PCDH7: variants seen among roughly 807,000 people sequenced by gnomAD.
PCDH7 encodes protocadherin 7.
A neutral mutation model predicts 58.9 loss-of-function variants in PCDH7; 17 were observed. The observed-to-expected ratio is 0.29, with a 90% CI of 0.20 to 0.43. The LOEUF is 0.43. Among genes scored for constraint, PCDH7 ranks in the 20% least tolerant of loss-of-function variants. PCDH7 has a pLI of 1.00. For missense variants in PCDH7, 1,274 were observed against 1,441.0 expected, an observed-to-expected ratio of 0.88 and a Z score of 1.88; for synonymous variants, 664 against 616.4, an observed-to-expected ratio of 1.08 and a Z score of -1.14.
At chr4:30,842,487 T>A (rs1188452715) in intron 1 of PCDH7, among the ~76,000 whole-genome samples, 1 of 152,134 alleles carries the variant, frequency 6.6e-6, no homozygotes, top group Non-Finnish European at 1.5e-5. Context: ...GTGCTTATAG[T>A]GGAAAGGACC....
At chr4:30,983,422 G>C (rs1367447789) in intron 3 of PCDH7, among the ~76,000 whole-genome samples, 1 of 152,190 alleles carries the variant, frequency 6.6e-6, no homozygotes, top group Non-Finnish European at 1.5e-5. Context: ...TTGTTTTAAA[G>C]TCACTGCACG....
intron 1 of PCDH7, among the ~76,000 whole-genome samples, chr4:30,754,100 T>C (rs1718939632): frequency 6.6e-6 from 1 of 152,098 alleles, no homozygotes; most frequent in African/African-American, 2.4e-5. Context: ...AACTAAATTT[T>C]TATGAAGCAG....
intron 3 of PCDH7, among the ~76,000 whole-genome samples, chr4:31,113,607 A>G (rs1716603075): frequency 6.6e-6 from 1 of 152,114 alleles, no homozygotes; most frequent in African/African-American, 2.4e-5. Context: ...AAACAAATCC[A>G]AAGCTTACTT....
At chr4:31,021,513 T>C (rs1395043345) in intron 3 of PCDH7, among the ~76,000 whole-genome samples, 1 of 152,180 alleles carries the variant, frequency 6.6e-6, no homozygotes, top group Non-Finnish European at 1.5e-5. Flanking sequence ...ATTTTAGTGC[T>C]TTAACCCAAC....
At chr4:31,108,290 G>A (rs1715831424) in intron 3 of PCDH7, among the ~76,000 whole-genome samples, 1 of 139,012 alleles carries the variant, frequency 7.2e-6, no homozygotes, top group Non-Finnish European at 1.5e-5. Flanking sequence ...ATGAGAAAAT[G>A]TGGAATTCAG....
chr4:30,889,156 A>T (rs1286728281), intron 1 of PCDH7, among the ~76,000 whole-genome samples: 2 of 148,608 alleles, frequency 1.3e-5, no homozygotes, highest in Admixed American at 1.3e-4. Context: ...AAAAAAAAAA[A>T]GCAAAAGAAA....
intron 1 of PCDH7, among the ~76,000 whole-genome samples, chr4:30,898,947 A>G (rs61251069): frequency 6.1e-4 from 93 of 152,076 alleles, no homozygotes; most frequent in African/African-American, 2.1e-3. Flanking sequence ...ATTGAGACCT[A>G]GTAATGGGTC....
intron 1 of PCDH7, chr4:30,776,271 G>T (rs1722057973): frequency 6.6e-6 from 1 of 152,168 alleles, no homozygotes; most frequent in Non-Finnish European, 1.5e-5. Flanking sequence ...ATTTCCACAT[G>T]TTCTTCCAAG....
At chr4:30,980,054 T>C (rs28655825) in intron 3 of PCDH7, among the ~76,000 whole-genome samples, 3,783 of 152,304 alleles carry the variant, frequency 0.025, 158 homozygotes, top group African/African-American at 0.086. Flanking sequence ...TGTTATACTG[T>C]TAGACTAGCA....
chr4:30,923,055 G>A (rs1743391415), intron 2 of PCDH7, among the ~76,000 whole-genome samples: 1 of 151,990 alleles, frequency 6.6e-6, no homozygotes. Flanking sequence ...GTAGTTTTTT[G>A]CTTGGCTAGG....
chr4:30,960,112 G>GGGAAGGAAGGAAGGAAGGAA lies in PCDH7; in HGVS notation c.*7+9920_*7+9939dup, dbSNP rs796354089. 4.1e-3 allele frequency among the ~76,000 whole-genome samples: 272 copies of GGGAAGGAAGGAAGGAAGGAA among 65,782 alleles called. 15 individuals are homozygous for GGGAAGGAAGGAAGGAAGGAA. The highest frequency in any genetic ancestry group is 4.5e-3 in the Non-Finnish European group (174 of 38,846). 43.2% of individuals were successfully genotyped at this position (65,782 alleles called of 152,430 possible). A position where few individuals can be genotyped will look rare whatever the true frequency, so the allele number is the denominator to read the frequency against. On this transcript the variant is annotated intron_variant, in intron 3 of 3. Coordinates refer to the PCDH7 transcript ENST00000509759. ...AAGGAAGGAAGGAAGAAAGGAAGGA[G>GGGAAGGAAGGAAGGAAGGAA]GGAAGGAAGGAAGGAAGGAAGGAAG...
intron 3 of PCDH7, among the ~76,000 whole-genome samples, chr4:31,129,261 G>A (rs907474831): frequency 6.6e-6 from 1 of 152,168 alleles, no homozygotes; most frequent in Non-Finnish European, 1.5e-5. Flanking sequence ...GGCATAGGAT[G>A]AAGACCAAAC....
intron 1 of PCDH7, among the ~76,000 whole-genome samples, chr4:30,877,419 G>A (rs1016410789): frequency 6.6e-6 from 1 of 152,132 alleles, no homozygotes; most frequent in African/African-American, 2.4e-5. Context: ...AGTGAGAGAT[G>A]GGCAGTAAGA....
intron 3 of PCDH7, among the ~76,000 whole-genome samples, chr4:31,116,887 G>A (rs1234448281): frequency 2.0e-5 from 3 of 152,092 alleles, no homozygotes; most frequent in Non-Finnish European, 4.4e-5. Flanking sequence ...CCAGGCTGGA[G>A]TGCAATGGCG....
chr4:30,842,432 T>A (rs1309863934), intron 1 of PCDH7, among the ~76,000 whole-genome samples: 5 of 152,294 alleles, frequency 3.3e-5, no homozygotes, highest in African/African-American at 1.2e-4. Context: ...AAATTGGCAG[T>A]CTCATGGAAC....
At chr4:30,964,511 G>T (rs1233266661) in intron 3 of PCDH7, among the ~76,000 whole-genome samples, 1 of 152,000 alleles carries the variant, frequency 6.6e-6, no homozygotes, top group African/African-American at 2.4e-5. Context: ...AAAGTGCTGG[G>T]ATTACAGGCG....
At chr4:30,809,152 A>T (rs897334644) in intron 1 of PCDH7, among the ~76,000 whole-genome samples, 1 of 152,254 alleles carries the variant, frequency 6.6e-6, no homozygotes, top group Non-Finnish European at 1.5e-5. Context: ...GATTAGCGAC[A>T]TAGCTATGTA....
intron 1 of PCDH7, among the ~76,000 whole-genome samples, chr4:30,840,450 C>A (rs528746316): frequency 2.0e-5 from 3 of 152,124 alleles, no homozygotes; most frequent in East Asian, 3.9e-4. Context: ...TTATTACGTC[C>A]CTTGACCACC....
rs1578097484 is a variant in PCDH7, at chr4:30,865,475, T to C, written c.71-54678T>C. Among the ~76,000 whole-genome samples the C allele has an allele frequency of 2.0e-5, 3 of 152,152 alleles. No homozygotes were observed. In the South Asian group the frequency reaches 6.2e-4, roughly 32 times the overall value. Reference sequence around the variant, plus strand: ...AGCTAGACTATAGTCTGGAAGGCTGTTCACTGAATCTCATGTGGGGAATTT... The same window carrying C: ...AGCTAGACTATAGTCTGGAAGGCTGCTCACTGAATCTCATGTGGGGAATTT... On this transcript the variant is annotated intron_variant, in intron 1 of 3. Transcript: ENST00000509759.
Sources: gnomAD v4.1 joint callset for allele counts (sites outside exome capture counted in the v4.1 genomes callset) on GRCh38, gnomAD v4.1.1 for gene constraint, MANE v1.5 for transcripts, NCBI Gene and HGNC (gene_info 2026-07-23, HGNC 2026-07-21) for gene names.